The following SSC5D variants were observed in gnomAD, a reference collection of about 807,000 sequenced individuals.
SSC5D encodes soluble scavenger receptor cysteine-rich domain-containing protein SSC5D.
Under a neutral mutation model 104.6 loss-of-function variants are expected in SSC5D, and 106 were observed. The ratio of observed to expected loss-of-function variants is 1.01; its 90% CI spans 0.87 to 1.19. The LOEUF (loss-of-function observed/expected upper bound fraction) is 1.19, where lower values mean the gene tolerates loss of function less well. SSC5D is among the 50% of genes most tolerant of loss of function. The pLI is 0.00. For synonymous variants in SSC5D, 860 were observed against 883.5 expected (o/e 0.97, Z 0.47); for missense variants, 1,993 against 2,153.8 (o/e 0.93, Z 1.48).
rs1352615244 is a variant in SSC5D, at chr19:55,500,579, G to A, written c.2392G>A (p.Asp798Asn). 2 of 1,551,744 alleles carry A rather than the reference G, an allele frequency of 1.3e-6. No homozygotes were observed. The highest frequency in any genetic ancestry group is 3.9e-5 in the Admixed American group (2 of 51,010). Residue 798 changes from aspartate to asparagine, a missense_variant, in exon 11 of 14, where the codon GAT (aspartate) becomes AAT (asparagine). By Grantham distance (23) the Asp-to-Asn change is conservative. Around this residue, in one of 6 missense-constraint regions of SSC5D, gnomAD observed 70 missense variants for 107.1 expected, o/e 0.65. Coordinates refer to ENST00000389623, the MANE Select transcript of SSC5D (RefSeq NM_001144950.2). This position sits in a 1 kb window ranked among gnomAD's most constrained non-coding sequence, Gnocchi z 4.6. Reference sequence around the variant, plus strand: ...TGCCGGACGCTGGGGAACAGTGTGTGATGACAACTGGGACCTGCGGGACGC... The same window carrying A: ...TGCCGGACGCTGGGGAACAGTGTGTAATGACAACTGGGACCTGCGGGACGC... ...WHAGRWGTVC[D>N]DNWDLRDATV...
chr19:55,518,174 C>G lies in SSC5D; in HGVS notation c.3898C>G (p.His1300Asp), dbSNP rs201038280. ...AACCCCTCACCCCACCACAACCCCTCACCCCACCATGACTCCTGACCCCAC... is the reference window on the plus strand; with the variant it reads ...AACCCCTCACCCCACCACAACCCCTGACCCCACCATGACTCCTGACCCCAC... ...TTTPHPTTTP[H>D]PTMTPDPTTT... Residue 1300 changes from histidine (H) to aspartate (D), a missense_variant, in exon 14 of 14, where the codon CAC becomes GAC. Transcript: ENST00000389623. 4.9e-6 allele frequency: 7 copies of G among 1,420,822 alleles called. No individual in the cohort carries two copies. The African/African-American group carries it at 5.4e-5, about 11-fold the overall frequency. 88.0% of individuals were successfully genotyped at this position (1,420,822 alleles called of 1,614,324 possible).
chr19:55,513,956 C>A (rs1987812701), intron 13 of SSC5D, among the ~76,000 whole-genome samples: 1 of 152,152 alleles, frequency 6.6e-6, no homozygotes, highest in African/African-American at 2.4e-5. Flanking sequence ...TGCCCACGCT[C>A]ATCAGGAACC....
At chr19:55,499,669 GT>G (rs1987418341) in intron 9 of SSC5D, 146 bp from the exon 10 acceptor site, 3 of 731,066 alleles carry the variant, frequency 4.1e-6, no homozygotes, top group Admixed American at 2.9e-5. Flanking sequence ...CTCATAGGAG[GT>G]GCTCAATAAA....
Position 55,498,055 on chromosome 19 carries a change from C to A in SSC5D, c.1563C>A (p.Gly521=). ...GGPQQPDPAA[G]RFGWGAGPIW... ...CTCAGCAGCCAGACCCTGCTGCTGG[C>A]CGCTTTGGCTGGGGTGCGGGCCCCA... The change falls in exon 9 of 14, where the codon GGC becomes GGA. Residue 521 remains glycine, a synonymous_variant. Coordinates refer to ENST00000389623, the MANE Select transcript of SSC5D (RefSeq NM_001144950.2). 1 of 1,551,726 alleles carries A rather than the reference C, an allele frequency of 6.4e-7. No homozygotes were observed. Among genetic ancestry groups the A allele is most frequent in the South Asian group, 1.2e-5 (1 of 84,062 alleles).
intron 6 of SSC5D, chr19:55,491,320 G>T (rs753782856): frequency 3.8e-6 from 2 of 522,818 alleles, no homozygotes; most frequent in Non-Finnish European, 6.6e-6. Context: ...CCTGTCCCGG[G>T]GCCTAGGCCA....
intron 8 of SSC5D, among the ~76,000 whole-genome samples, chr19:55,495,673 C>T (rs186950577): frequency 5.9e-5 from 9 of 151,788 alleles, no homozygotes; most frequent in Admixed American, 1.3e-4. Flanking sequence ...GCGTGCCACA[C>T]GGGGCCACAC....
intron 12 of SSC5D, among the ~76,000 whole-genome samples, chr19:55,501,426 G>A (rs1987501282): frequency 6.6e-6 from 1 of 152,168 alleles, no homozygotes; most frequent in African/African-American, 2.4e-5. Context: ...GCTAAGCTCA[G>A]CAATCCTGAG....
intron 9 of SSC5D, among the ~76,000 whole-genome samples, chr19:55,498,780 G>A (rs1048341470): frequency 4.6e-5 from 7 of 152,236 alleles, no homozygotes; most frequent in African/African-American, 1.4e-4. Flanking sequence ...GTTATAGTTT[G>A]AGGTTACCAA....
chr19:55,517,011 C>T (rs1439492985), intron 13 of SSC5D, among the ~76,000 whole-genome samples: 1 of 152,140 alleles, frequency 6.6e-6, no homozygotes, highest in Non-Finnish European at 1.5e-5. Flanking sequence ...ATCCCCGCAT[C>T]CTCCCGCAGT....
intron 12 of SSC5D, among the ~76,000 whole-genome samples, chr19:55,502,222 T>C (rs1987523653): frequency 6.6e-6 from 1 of 152,158 alleles, no homozygotes; most frequent in Non-Finnish European, 1.5e-5. Context: ...CACTTCATTT[T>C]CCATGATCAA....
chr19:55,511,340 A>G (rs1005497988), intron 12 of SSC5D, among the ~76,000 whole-genome samples: 1 of 152,190 alleles, frequency 6.6e-6, no homozygotes. Flanking sequence ...GCTTAAGGCG[A>G]CATCGGTCAA....
At chr19:55,501,236 T>C in intron 12 of SSC5D, 35 bp downstream of exon 12, 1 of 1,471,126 alleles carries the variant, frequency 6.8e-7, no homozygotes. Context: ...ATGGAGGGCC[T>C]CCATAAACCT....
rs968620865 is a variant in SSC5D at position 55,513,078 on chromosome 19, G to T, written c.2853G>T (p.Gly951=). ...DTPSGRGLAE[G]TPTAGKLGPT... ...CATCAGGAAGGGGCCTGGCTGAGGG[G>T]ACCCCTACCGCAGGCAAACTAGGAC... Residue 951 remains glycine, a synonymous_variant, in exon 13 of 14, where the codon GGG becomes GGT. Transcript: ENST00000389623. The T allele has an allele frequency of 1.9e-6, 3 of 1,551,446 alleles. No individual in the cohort carries two copies. The highest frequency in any genetic ancestry group is 2.6e-6 in the Non-Finnish European group (3 of 1,146,814).
At position 55,500,971 on chromosome 19, in the gene SSC5D, G is replaced by A. The variant is rs1306551230; in HGVS notation, c.2618-63G>A. 8 of 1,543,852 alleles carry A rather than the reference G, an allele frequency of 5.2e-6. No homozygotes were observed. Among genetic ancestry groups the A allele is most frequent in the Non-Finnish European group, 6.1e-6 (7 of 1,141,468 alleles). On this transcript the variant is annotated intron_variant, in intron 11 of 13. Transcript: ENST00000389623. This position sits in a 1 kb window ranked among gnomAD's most constrained non-coding sequence, Gnocchi z 4.6. ...CAGAAGATTCCAAAAGGGGAGGGAAGAGCAGCAGCAAGGACCTCTGAGAAA... is the reference window on the plus strand; with the variant it reads ...CAGAAGATTCCAAAAGGGGAGGGAAAAGCAGCAGCAAGGACCTCTGAGAAA...
chr19:55,504,183 C>T, intron 12 of SSC5D: 2 of 1,535,070 alleles, frequency 1.3e-6, no homozygotes, highest in Non-Finnish European at 1.7e-6. Context: ...CAGCGCCTCC[C>T]TAGCCCATAG....
At chr19:55,510,487 T>C (rs4254422) in intron 12 of SSC5D, among the ~76,000 whole-genome samples, 150,717 of 152,194 alleles carry the variant, frequency 0.99, 74,662 homozygotes, top group Non-Finnish European at 1. Flanking sequence ...TAGCTGGGAT[T>C]ACAGGCATGT....
At position 55,500,420 on chromosome 19, in the gene SSC5D, G is replaced by A. The variant is rs1987455818; in HGVS notation, c.2302+8G>A. 3 of 1,549,614 alleles carry A rather than the reference G, an allele frequency of 1.9e-6. No homozygotes were observed. The highest frequency in any genetic ancestry group is 2.6e-6 in the Non-Finnish European group (3 of 1,145,548). On this transcript the variant is annotated splice_region_variant and intron_variant, in intron 10 of 13. Transcript: ENST00000389623. This position sits in a 1 kb window ranked among gnomAD's most constrained non-coding sequence, Gnocchi z 4.6. Reference sequence around the variant, plus strand: ...GCACCACTGGGGAATCAGGTGAGTGGCCGTGAGGGGTGTGGGGAGAGAATG... The same window carrying A: ...GCACCACTGGGGAATCAGGTGAGTGACCGTGAGGGGTGTGGGGAGAGAATG...
In SSC5D at chr19:55,489,606, G is replaced by T. The variant is rs1423657681; in HGVS notation, c.305G>T (p.Arg102Leu). Residue 102 changes from arginine to leucine, a missense_variant, in exon 3 of 14, where the codon CGG becomes CTG. Arg to Leu is a moderately radical substitution (Grantham distance 102, BLOSUM62 -2). Coordinates refer to ENST00000389623, the MANE Select transcript of SSC5D (RefSeq NM_001144950.2). ...GGGCAGCTGGGCCTCTGCCACCACC[G>T]GGGCTGGAAGGCCCACATCTGCTCC... is the stretch of plus-strand genomic sequence containing the variant. The part of the protein sequence containing the change: ...NEGQLGLCHH[R>L]GWKAHICSHE... 6 of 1,529,802 alleles carry T rather than the reference G, an allele frequency of 3.9e-6. No individual in the cohort carries two copies. The African/African-American group carries it at 8.2e-5, about 21-fold the overall frequency. The allele number at this position is 1,529,802 out of a possible 1,614,324, so 94.8% of individuals were successfully genotyped here.
At chr19:55,505,118 G>T (rs1987611358) in intron 12 of SSC5D, among the ~76,000 whole-genome samples, 1 of 151,766 alleles carries the variant, frequency 6.6e-6, no homozygotes, top group African/African-American at 2.4e-5. Context: ...AACTAGTTGG[G>T]TGACTGCAGG....
Sources: gnomAD v4.1 joint callset for allele counts (sites outside exome capture counted in the v4.1 genomes callset) on GRCh38, gnomAD v4.1.1 for gene constraint, gnomAD v4.1.1 regional missense constraint, Gnocchi (gnomAD v3.1) non-coding constraint, MANE v1.5 for transcripts, NCBI Gene and HGNC (gene_info 2026-07-23, HGNC 2026-07-21) for gene names.